The following TAFA2 variants were observed in gnomAD, a reference collection of about 807,000 sequenced individuals.
TAFA2 encodes TAFA chemokine like family member 2, also known as chemokine-like protein TAFA-2.
A neutral mutation model predicts 18.8 loss-of-function variants in TAFA2; 7 were observed. The ratio of observed to expected loss-of-function variants is 0.37; its 90% CI spans 0.21 to 0.70. The LOEUF is 0.70. TAFA2 is among the 30% of genes least tolerant of loss of function. TAFA2 has a pLI of 0.53. For synonymous variants in TAFA2, 60 were observed against 54.2 expected, an observed-to-expected ratio of 1.11 and a Z score of -0.47; for missense variants, 122 against 158.1, an observed-to-expected ratio of 0.77 and a Z score of 1.23.
chr12:62,048,566 T>C (rs1188957354), intron 1 of TAFA2, among the ~76,000 whole-genome samples: 2 of 152,204 alleles, frequency 1.3e-5, no homozygotes, highest in African/African-American at 4.8e-5. Context: ...TTTTCCTGAT[T>C]ATATTTCCCC....
At position 61,852,013 on chromosome 12, in the gene TAFA2, G is replaced by A. The variant is rs147546100; in HGVS notation, c.106+15307C>T. 9.1e-3 allele frequency among the ~76,000 whole-genome samples: 1,384 copies of A among 151,676 alleles called. 14 individuals are homozygous for A. The highest frequency in any genetic ancestry group is 0.012 in the Non-Finnish European group (846 of 67,890). On this transcript the variant is annotated intron_variant, in intron 2 of 4. Coordinates refer to ENST00000416284, the MANE Select transcript of TAFA2 (RefSeq NM_178539.5). Reference sequence around the variant, plus strand: ...ACCTGAGGTCAGGAGTTCGAGACCAGCCTGACCAACATGGAGAAACCCTGT... The same window carrying A: ...ACCTGAGGTCAGGAGTTCGAGACCAACCTGACCAACATGGAGAAACCCTGT...
chr12:61,755,833 T>C (rs1167693317), intron 2 of TAFA2, among the ~76,000 whole-genome samples: 1 of 152,094 alleles, frequency 6.6e-6, no homozygotes, highest in Admixed American at 6.6e-5. Context: ...TTCTAGTTTG[T>C]CTTCATTATT....
rs192535715 is a variant in TAFA2 at position 61,848,905 on chromosome 12, G to A, written c.106+18415C>T. On this transcript the variant is annotated intron_variant, in intron 2 of 4. Transcript: ENST00000416284. ...CACCCAGGCTGGAGTGCAGTGGCAC[G>A]TTCTCAGCTCACTGCAACCTCCACC... Among the ~76,000 whole-genome samples the A allele has an allele frequency of 2.7e-3, 406 of 149,208 alleles. 4 individuals are homozygous for A. Among genetic ancestry groups the A allele is most frequent in the Non-Finnish European group, 3.9e-3 (260 of 67,530 alleles).
At chr12:62,180,163 T>A (rs2062542523) in intron 1 of TAFA2, among the ~76,000 whole-genome samples, 1 of 152,180 alleles carries the variant, frequency 6.6e-6, no homozygotes, top group African/African-American at 2.4e-5. Context: ...TGATTTTAAA[T>A]TTTTTTCAGT....
rs367934100 is a variant in TAFA2, at chr12:61,772,781, T to TC, written c.107-17758dup. On this transcript the variant is annotated intron_variant, in intron 2 of 4. Coordinates refer to ENST00000416284, the MANE Select transcript of TAFA2 (RefSeq NM_178539.5). ...CTGAACGGGGAAAAGTTGAAAGCAC[T>TC]CCCCCTGAGAACTGGAACAAGAAAA... Among the ~76,000 whole-genome samples, 506 of 151,698 alleles carry TC rather than the reference T, an allele frequency of 3.3e-3. 1 individual carries two copies. Among genetic ancestry groups the TC allele is most frequent in the African/African-American group, 0.012 (498 of 41,382 alleles).
chr12:61,735,684 T>G (rs1165764554), intron 4 of TAFA2, among the ~76,000 whole-genome samples: 1 of 152,040 alleles, frequency 6.6e-6, no homozygotes, highest in Non-Finnish European at 1.5e-5. Context: ...AGTCCATTTT[T>G]TTTAGTTGAC....
At position 61,755,388 on chromosome 12, in the gene TAFA2, A is replaced by C. The variant is rs566709855; in HGVS notation, c.107-364T>G. On this transcript the variant is annotated intron_variant, in intron 2 of 4. Transcript: ENST00000416284. ...AGTAAAATAAACCTCTGGCCTAGGT[A>C]CCCTGCAATGGGACTGAGGCCAGCC... Among the ~76,000 whole-genome samples, 5 of 152,200 alleles carry C rather than the reference A, an allele frequency of 3.3e-5. No individual in the cohort carries two copies. The East Asian group carries it at 9.7e-4, about 30-fold the overall frequency.
chr12:62,219,056 C>G (rs1276310360), intron 1 of TAFA2, among the ~76,000 whole-genome samples: 1 of 151,536 alleles, frequency 6.6e-6, no homozygotes, highest in East Asian at 1.9e-4. Flanking sequence ...GAATAACATA[C>G]CAGGGAGAAT....
At position 62,207,175 on chromosome 12, in the gene TAFA2, T is replaced by C. The variant is rs1012483346; in HGVS notation, c.-130+51588A>G. On this transcript the variant is annotated intron_variant, in intron 1 of 5. Coordinates refer to the TAFA2 transcript ENST00000551619. ...CATTGTGTTATAATTGTCTTACTTT[T>C]TCTAGATTATCCAACATTAGACTGC... 8 of 152,240 alleles carry C rather than the reference T, an allele frequency of 5.3e-5. No homozygotes were observed. In the East Asian group the frequency reaches 1.5e-3, roughly 29 times the overall value. The allele number at this position is 152,240 out of a possible 1,614,324, so 9.4% of individuals were successfully genotyped here.
chr12:62,186,846 A>G (rs951518914), intron 1 of TAFA2, among the ~76,000 whole-genome samples: 1 of 152,208 alleles, frequency 6.6e-6, no homozygotes, highest in Non-Finnish European at 1.5e-5. Flanking sequence ...TCTGATTTCA[A>G]GTAAACTAGA....
chr12:61,904,723 G>A (rs761246275), intron 1 of TAFA2, among the ~76,000 whole-genome samples: 2 of 152,108 alleles, frequency 1.3e-5, no homozygotes, highest in African/African-American at 2.4e-5. Flanking sequence ...GTATACATAT[G>A]AGAGAAAAAT....
intron 1 of TAFA2, among the ~76,000 whole-genome samples, chr12:62,175,879 T>TC (rs2062509342): frequency 6.6e-6 from 1 of 150,978 alleles, no homozygotes; most frequent in East Asian, 1.9e-4. Flanking sequence ...TATATATATA[T>TC]ATATTAAATT....
At chr12:61,736,901 G>C (rs1423122471) in intron 4 of TAFA2, among the ~76,000 whole-genome samples, 1 of 151,884 alleles carries the variant, frequency 6.6e-6, no homozygotes, top group Non-Finnish European at 1.5e-5. Context: ...ATCACATCAA[G>C]TTGCTAATAA....
Position 61,934,767 on chromosome 12 carries a change from C to T in TAFA2, c.-1-67341G>A, listed in dbSNP as rs1342934823. On this transcript the variant is annotated intron_variant, in intron 1 of 4. Coordinates refer to ENST00000416284, the MANE Select transcript of TAFA2 (RefSeq NM_178539.5). Reference sequence around the variant, plus strand: ...AGAGAGGACCTTTCACACTGTCTCTCTCTATGTTTATCACATAGTGAATCC... The same window carrying T: ...AGAGAGGACCTTTCACACTGTCTCTTTCTATGTTTATCACATAGTGAATCC... 1.3e-5 allele frequency among the ~76,000 whole-genome samples: 2 copies of T among 152,114 alleles called. 1 individual carries two copies. The highest frequency in any genetic ancestry group is 4.1e-4 in the South Asian group (2 of 4,828).
intron 1 of TAFA2, among the ~76,000 whole-genome samples, chr12:62,221,234 GA>G (rs1565782408): frequency 2.2e-4 from 32 of 147,864 alleles, no homozygotes; most frequent in African/African-American, 7.5e-4. Context: ...AGGAAGGAAG[GA>G]AGGAAGGAAG....
chr12:61,726,328 A>G (rs895518677), intron 4 of TAFA2, among the ~76,000 whole-genome samples: 5 of 151,966 alleles, frequency 3.3e-5, no homozygotes, highest in South Asian at 2.1e-4. Context: ...TTTTGGCGGT[A>G]TGCTTATTTT....
chr12:61,886,032 T>C (rs1331019293), intron 1 of TAFA2, among the ~76,000 whole-genome samples: 1 of 152,150 alleles, frequency 6.6e-6, no homozygotes, highest in African/African-American at 2.4e-5. Flanking sequence ...CGCACTCAAC[T>C]CTGGAAATAA....
At chr12:61,817,369 A>G (rs1339430904) in intron 2 of TAFA2, among the ~76,000 whole-genome samples, 1 of 152,202 alleles carries the variant, frequency 6.6e-6, no homozygotes, top group Non-Finnish European at 1.5e-5. Flanking sequence ...TATTATTATT[A>G]TAGTGAAACT....
At chr12:62,052,094 T>C (rs531242908) in intron 1 of TAFA2, among the ~76,000 whole-genome samples, 2 of 152,236 alleles carry the variant, frequency 1.3e-5, no homozygotes, top group Admixed American at 1.3e-4. Flanking sequence ...ATTATAAAAA[T>C]TGAGATGACT....
Sources: gnomAD v4.1 joint callset for allele counts (sites outside exome capture counted in the v4.1 genomes callset) on GRCh38, gnomAD v4.1.1 for gene constraint, MANE v1.5 for transcripts, NCBI Gene and HGNC (gene_info 2026-07-23, HGNC 2026-07-21) for gene names.